RGS20: variants seen among roughly 807,000 people sequenced by gnomAD.
RGS20 encodes the protein gz-selective GTPase-activating protein.
In RGS20, 30 loss-of-function variants were observed where a neutral mutation model predicts 33.6. The observed-to-expected ratio is 0.89, with a 90% CI of 0.67 to 1.21. RGS20 has a LOEUF of 1.21. Among genes scored for constraint, RGS20 ranks in the 50% most tolerant of loss-of-function variants. The probability of loss-of-function intolerance (pLI) is 0.00; values close to 1 mark genes in which losing one functional copy is unlikely to be tolerated. For synonymous variants in RGS20, 208 were observed against 197.9 expected (o/e 1.05, Z -0.43); for missense variants, 472 against 502.4 (o/e 0.94, Z 0.58).
intron 1 of RGS20, among the ~76,000 whole-genome samples, chr8:53,863,402 A>G (rs983906759): frequency 6.6e-6 from 1 of 152,130 alleles, no homozygotes; most frequent in African/African-American, 2.4e-5. Context: ...GGGGCCCAAG[A>G]GCAGATGGGC....
intron 4 of RGS20, among the ~76,000 whole-genome samples, chr8:53,950,001 A>C (rs1814663484): frequency 6.6e-6 from 1 of 151,748 alleles, no homozygotes. Context: ...CACCATGCCC[A>C]GCTAATTTTT....
chr8:53,878,341 TAAAG>T (rs772400449), intron 1 of RGS20, among the ~76,000 whole-genome samples: 1 of 151,910 alleles, frequency 6.6e-6, no homozygotes, highest in Non-Finnish European at 1.5e-5. Context: ...ACTCAAAAAA[TAAAG>T]AGACATTCCC....
chr8:53,957,478 C>A (rs1814900374), intron 5 of RGS20, among the ~76,000 whole-genome samples: 1 of 152,254 alleles, frequency 6.6e-6, no homozygotes, highest in African/African-American at 2.4e-5. Context: ...ACTTCCACTT[C>A]ACCCCTGTGC....
intron 2 of RGS20, among the ~76,000 whole-genome samples, chr8:53,929,633 A>T (rs187630996): frequency 1.3e-5 from 2 of 152,172 alleles, no homozygotes; most frequent in South Asian, 4.1e-4. Context: ...GCACCATTGC[A>T]CTCCAGCCTG....
intron 3 of RGS20, among the ~76,000 whole-genome samples, chr8:53,945,047 G>A (rs546973331): frequency 6.6e-6 from 1 of 152,182 alleles, no homozygotes; most frequent in African/African-American, 2.4e-5. Flanking sequence ...CAGTTTGGGA[G>A]TTCCTCAAAA....
At chr8:53,866,921 G>A (rs916547192) in intron 1 of RGS20, among the ~76,000 whole-genome samples, 2 of 152,138 alleles carry the variant, frequency 1.3e-5, no homozygotes, top group Non-Finnish European at 2.9e-5. Context: ...GTTTGGACGT[G>A]TGTGTGTCCT....
At chr8:53,935,787 C>A (rs941996950) in intron 2 of RGS20, among the ~76,000 whole-genome samples, 2 of 152,074 alleles carry the variant, frequency 1.3e-5, no homozygotes, top group African/African-American at 2.4e-5. Context: ...CTGCCAGAGA[C>A]ACAACAAAAA....
At position 53,884,191 on chromosome 8, in the gene RGS20, C is replaced by CTTTTTTTTT. The variant is rs4014055; in HGVS notation, c.510+4603_510+4611dup. Among the ~76,000 whole-genome samples, 81 of 103,454 alleles carry CTTTTTTTTT rather than the reference C, an allele frequency of 7.8e-4. 3 individuals are homozygous for CTTTTTTTTT. Among genetic ancestry groups the CTTTTTTTTT allele is most frequent in the African/African-American group, 3.0e-3 (66 of 22,096 alleles). The allele number at this position is 103,454 out of a possible 152,430, so 67.9% of individuals were successfully genotyped here. A position where few individuals can be genotyped will look rare whatever the true frequency, so the allele number is the denominator to read the frequency against. On this transcript the variant is annotated intron_variant, in intron 2 of 5. Transcript: ENST00000297313. The stretch of plus-strand genomic sequence containing the variant: ...CCATCATCCAAATTAGAAAAACAGT[C>CTTTTTTTTT]TTTTTTTTTTTTTTTTTTTTTTGAT...
chr8:53,910,359 CAA>C (rs1372781696), intron 2 of RGS20, among the ~76,000 whole-genome samples: 3 of 151,886 alleles, frequency 2.0e-5, no homozygotes, highest in African/African-American at 7.3e-5. Context: ...CATTATCAGT[CAA>C]GAGGGAAATG....
chr8:53,908,109 A>C (rs1813236063), intron 2 of RGS20, among the ~76,000 whole-genome samples: 1 of 152,188 alleles, frequency 6.6e-6, no homozygotes, highest in African/African-American at 2.4e-5. Flanking sequence ...AACTATTGAA[A>C]ACGGCATATG....
At chr8:53,917,015 C>T (rs1325526311) in intron 2 of RGS20, among the ~76,000 whole-genome samples, 3 of 152,182 alleles carry the variant, frequency 2.0e-5, no homozygotes, top group African/African-American at 4.8e-5. Context: ...AATATCATCA[C>T]CTTGGGGCTT....
intron 1 of RGS20, among the ~76,000 whole-genome samples, chr8:53,878,046 A>G (rs925143972): frequency 1.3e-5 from 2 of 152,198 alleles, no homozygotes; most frequent in African/African-American, 4.8e-5. Context: ...CGCCCAACCC[A>G]GAACACCCGC....
In RGS20 at chr8:53,948,467, G is replaced by C. The variant is rs558521852; in HGVS notation, c.743+1719G>C. Among the ~76,000 whole-genome samples the C allele has an allele frequency of 1.9e-4, 26 of 133,936 alleles. No individual in the cohort carries two copies. In the South Asian group the frequency reaches 6.2e-3, roughly 32 times the overall value. The allele number at this position is 133,936 out of a possible 152,430, so 87.9% of individuals were successfully genotyped here. On this transcript the variant is annotated intron_variant, in intron 4 of 5. Transcript: ENST00000297313. ...ATTTACATATGCTATATATGATACA[G>C]TATATATTTACATATGCTATATATG...
chr8:53,888,682 T>A (rs1237061728), intron 2 of RGS20, among the ~76,000 whole-genome samples: 1 of 152,192 alleles, frequency 6.6e-6, no homozygotes, highest in African/African-American at 2.4e-5. Flanking sequence ...ATAGGATATT[T>A]TCAGCCCCCC....
At chr8:53,943,954 T>C (rs1814383838) in intron 3 of RGS20, among the ~76,000 whole-genome samples, 1 of 151,806 alleles carries the variant, frequency 6.6e-6, no homozygotes, top group African/African-American at 2.4e-5. Flanking sequence ...TCAAAAGGGT[T>C]CCTGCATTTC....
intron 2 of RGS20, among the ~76,000 whole-genome samples, chr8:53,895,988 G>C (rs13268288): frequency 0.99 from 150,938 of 151,970 alleles, 74,959 homozygotes; most frequent in Middle Eastern, 1. Context: ...GAGAAAAAGT[G>C]AGAAGAATAA....
rs556459916 is a variant in RGS20 at position 53,875,367 on chromosome 8, G to T, written c.166-3891G>T. 2.7e-5 allele frequency among the ~76,000 whole-genome samples: 4 copies of T among 147,340 alleles called. No homozygotes were observed. The East Asian group carries it at 8.1e-4, about 30-fold the overall frequency. ...GAATCGCTTGAACCCAGGAGGTGGA[G>T]GTTGCAGTGAGCCGAGATCACACCA... On this transcript the variant is annotated intron_variant, in intron 1 of 5. Coordinates refer to ENST00000297313, the MANE Select transcript of RGS20 (RefSeq NM_170587.4).
In RGS20 at chr8:53,947,947, A is replaced by G. The variant is rs191622749; in HGVS notation, c.743+1199A>G. ...TTTACATATGCTATATATATAAGATATAGTATATATATTTACATATGCTAT... is the reference window on the plus strand; with the variant it reads ...TTTACATATGCTATATATATAAGATGTAGTATATATATTTACATATGCTAT... On this transcript the variant is annotated intron_variant, in intron 4 of 5. Coordinates refer to ENST00000297313, the MANE Select transcript of RGS20 (RefSeq NM_170587.4). 3.0e-3 allele frequency among the ~76,000 whole-genome samples: 414 copies of G among 137,148 alleles called. 3 individuals are homozygous for G. The highest frequency in any genetic ancestry group is 0.011 in the African/African-American group (406 of 38,060). 90.0% of individuals were successfully genotyped at this position (137,148 alleles called of 152,430 possible). A position where few individuals can be genotyped will look rare whatever the true frequency, so the allele number is the denominator to read the frequency against.
At chr8:53,956,918 C>G (rs1814884625) in intron 5 of RGS20, among the ~76,000 whole-genome samples, 1 of 152,154 alleles carries the variant, frequency 6.6e-6, no homozygotes, top group African/African-American at 2.4e-5. Flanking sequence ...GAGGCCGAAG[C>G]AGGCAGATCA....
Sources: allele counts gnomAD v4.1 joint callset (sites outside exome capture counted in the v4.1 genomes callset), GRCh38; gene constraint gnomAD v4.1.1; transcripts MANE v1.5; gene names NCBI Gene and HGNC (gene_info 2026-07-23, HGNC 2026-07-21).